IGFN1: variants seen among roughly 807,000 people sequenced by gnomAD.
The protein encoded by IGFN1 is immunoglobulin-like and fibronectin type III domain-containing protein 1.
A neutral mutation model predicts 289.5 loss-of-function variants in IGFN1; 253 were observed. The observed-to-expected ratio is 0.87, with a 90% CI of 0.79 to 0.97. The LOEUF is 0.97. IGFN1 is among the 50% of genes least tolerant of loss of function. The pLI, the probability that IGFN1 is intolerant of heterozygous loss-of-function variation, is 0.00. For synonymous variants in IGFN1, 1,706 were observed against 1,788.5 expected (o/e 0.95, Z 1.16); for missense variants, 4,470 against 4,686.1 (o/e 0.95, Z 1.35).
rs567536290 is a variant in IGFN1, at chr1:201,215,751, G to A, written c.9208G>A (p.Ala3070Thr). Residue 3070 changes from alanine (A) to threonine (T), a missense_variant, in exon 15 of 24, where the codon GCA becomes ACA. Coordinates refer to ENST00000335211, the MANE Select transcript of IGFN1 (RefSeq NM_001164586.2). ...DGYTRLCLPS[A>T]GRKDCGQYSV... Reference sequence around the variant, plus strand: ...CTACACGCGGCTGTGCCTCCCCAGCGCAGGCAGGAAGGACTGTGGCCAGTA... The same window carrying A: ...CTACACGCGGCTGTGCCTCCCCAGCACAGGCAGGAAGGACTGTGGCCAGTA... 3.7e-5 allele frequency: 60 copies of A among 1,609,014 alleles called. No individual in the cohort carries two copies. The highest frequency in any genetic ancestry group is 1.8e-4 in the East Asian group (8 of 44,812).
At position 201,206,928 on chromosome 1, in the gene IGFN1, A is replaced by G. The variant is rs1667454395; in HGVS notation, c.2035A>G (p.Thr679Ala). Reference protein sequence around the residue: ...GAGGPGTLELTGGRGSGSKVG... With the variant: ...GAGGPGTLELAGGRGSGSKVG... Reference sequence around the variant, plus strand: ...AGGAGGTCCTGGCACCCTGGAGCTTACTGGAGGAAGAGGTTCTGGCTCCAA... The same window carrying G: ...AGGAGGTCCTGGCACCCTGGAGCTTGCTGGAGGAAGAGGTTCTGGCTCCAA... The change falls in exon 12 of 24, where the codon ACT (threonine) becomes GCT (alanine). Residue 679 changes from threonine to alanine, a missense_variant. This residue lies in a region of IGFN1 where 2,011 missense variants were observed against 1,953.4 expected (regional missense o/e 1.03). Coordinates refer to ENST00000335211, the MANE Select transcript of IGFN1 (RefSeq NM_001164586.2). The G allele has an allele frequency of 6.5e-7, 1 of 1,536,468 alleles. No individual in the cohort carries two copies. The highest frequency in any genetic ancestry group is 8.7e-7 in the Non-Finnish European group (1 of 1,146,596).
At chr1:201,219,881 A>G (rs979941252) in intron 18 of IGFN1, among the ~76,000 whole-genome samples, 17 of 152,206 alleles carry the variant, frequency 1.1e-4, no homozygotes, top group Non-Finnish European at 1.5e-4. Context: ...TTGCAAATGG[A>G]CCAAGCCTGT....
intron 9 of IGFN1, among the ~76,000 whole-genome samples, chr1:201,203,367 C>T (rs1392489779): frequency 6.6e-6 from 1 of 152,180 alleles, no homozygotes; most frequent in East Asian, 1.9e-4. Flanking sequence ...ATAAGTTGAG[C>T]TGGGGCCTCT....
chr1:201,228,470 C>G lies in IGFN1; in HGVS notation c.*71C>G. 6.6e-7 allele frequency: 1 copy of G among 1,512,414 alleles called. No individual in the cohort carries two copies. The allele number at this position is 1,512,414 out of a possible 1,614,324, so 93.7% of individuals were successfully genotyped here. A position where few individuals can be genotyped will look rare whatever the true frequency, so the allele number is the denominator to read the frequency against. On this transcript the variant is annotated 3_prime_UTR_variant, in exon 24 of 24. Transcript: ENST00000335211. Reference sequence around the variant, plus strand: ...CCGACACCTGCACTGGCCCGGGAAGCCAATCCCAAGGATGGAGGCTGTGCC... The same window carrying G: ...CCGACACCTGCACTGGCCCGGGAAGGCAATCCCAAGGATGGAGGCTGTGCC...
At chr1:201,216,294 C>T in intron 15 of IGFN1, 160 bp from the exon 16 acceptor site, 1 of 628,256 alleles carries the variant, frequency 1.6e-6, no homozygotes, top group East Asian at 2.8e-5. Context: ...TGGGTAATGC[C>T]CAAGGCTCTC....
At chr1:201,222,509 C>T (rs893904774) in intron 19 of IGFN1, 3 of 446,724 alleles carry the variant, frequency 6.7e-6, no homozygotes, top group East Asian at 6.9e-5. Context: ...GGGTTCCTTT[C>T]TCAGCTCCTG....
chr1:201,211,606 G>A lies in IGFN1; in HGVS notation c.6713G>A (p.Ser2238Asn). 2.0e-6 allele frequency: 3 copies of A among 1,535,576 alleles called. No homozygotes were observed. The highest frequency in any genetic ancestry group is 1.7e-6 in the Non-Finnish European group (2 of 1,146,262). The change falls in exon 12 of 24, where the codon AGT becomes AAT. Residue 2238 changes from serine (S) to asparagine (N), a missense_variant. Around this residue, in one of 8 missense-constraint regions of IGFN1, gnomAD observed 2,218 missense variants for 2,114.1 expected, o/e 1.05. Transcript: ENST00000335211. ...SKAGFRDGLG[S>N]SGEMGSMDEA... ...GCAGGTTTCAGGGATGGTTTAGGGA[G>A]TTCTGGGGAAATGGGGTCAATGGAT... is the stretch of plus-strand genomic sequence containing the variant.
Position 201,209,550 on chromosome 1 carries a change from G to A in IGFN1, c.4657G>A (p.Gly1553Arg). 2 of 1,525,814 alleles carry A rather than the reference G, an allele frequency of 1.3e-6. No homozygotes were observed. The highest frequency in any genetic ancestry group is 1.8e-6 in the Non-Finnish European group (2 of 1,140,934). 94.5% of individuals were successfully genotyped at this position (1,525,814 alleles called of 1,614,324 possible). A position where few individuals can be genotyped will look rare whatever the true frequency, so the allele number is the denominator to read the frequency against. The change falls in exon 12 of 24, where the codon GGA (glycine) becomes AGA (arginine). Residue 1553 changes from glycine to arginine, a missense_variant. Around this residue, in one of 8 missense-constraint regions of IGFN1, gnomAD observed 2,011 missense variants for 1,953.4 expected, o/e 1.03. Coordinates refer to ENST00000335211, the MANE Select transcript of IGFN1 (RefSeq NM_001164586.2). ...TAAGGCAGGTTTTACGGATGGTTTA[G>A]GAGGTTCTGAAGAAATGGGGTCAGT... is the stretch of plus-strand genomic sequence containing the variant. The part of the protein sequence containing the change: ...GSKAGFTDGL[G>R]GSEEMGSVNK...
chr1:201,214,505 C>T (rs1380503388), intron 13 of IGFN1, among the ~76,000 whole-genome samples: 1 of 152,144 alleles, frequency 6.6e-6, no homozygotes, highest in African/African-American at 2.4e-5. Flanking sequence ...TCCTATGCCC[C>T]TCAGCATACC....
chr1:201,199,417 G>A (rs1410955378), intron 6 of IGFN1, 39 bp downstream of exon 6: 14 of 1,540,490 alleles, frequency 9.1e-6, no homozygotes, highest in Non-Finnish European at 1.2e-5. Flanking sequence ...GGGGCCTGTG[G>A]GGGATAGGCT....
At chr1:201,214,123 G>T (rs529421887) in intron 12 of IGFN1, 54 bp from the exon 13 acceptor site, 1 of 1,523,646 alleles carries the variant, frequency 6.6e-7, no homozygotes, top group Non-Finnish European at 8.8e-7. Context: ...GGGGCACAGC[G>T]CAGGCCATGG....
Position 201,215,560 on chromosome 1 carries a change from A to G in IGFN1, c.9017A>G (p.Asp3006Gly). Reference protein sequence around the residue: ...TVQDSPTIAPDVTEKLREPLV... With the variant: ...TVQDSPTIAPGVTEKLREPLV... ...CTAGATTCCCCTACCATTGCTCCAG[A>G]TGTGACAGAGAAACTGAGAGAGCCA... The change falls in exon 15 of 24, where the codon GAT becomes GGT. Residue 3006 changes from aspartate (D) to glycine (G), a missense_variant. Physicochemically the swap from Asp to Gly is moderately conservative, Grantham distance 94. Around this residue, in one of 8 missense-constraint regions of IGFN1, gnomAD observed 2,218 missense variants for 2,114.1 expected, o/e 1.05. Coordinates refer to ENST00000335211, the MANE Select transcript of IGFN1 (RefSeq NM_001164586.2). 1 of 1,596,212 alleles carries G rather than the reference A, an allele frequency of 6.3e-7. No individual in the cohort carries two copies. The highest frequency in any genetic ancestry group is 8.5e-7 in the Non-Finnish European group (1 of 1,170,826).
intron 5 of IGFN1, among the ~76,000 whole-genome samples, chr1:201,197,727 C>T (rs1409594197): frequency 6.6e-6 from 1 of 152,162 alleles, no homozygotes; most frequent in East Asian, 1.9e-4. Context: ...AATTCTCTCT[C>T]AGACATGTTT....
Position 201,212,058 on chromosome 1 carries a change from A to T in IGFN1, c.7165A>T (p.Arg2389Trp). 3.3e-6 allele frequency: 5 copies of T among 1,536,392 alleles called. No homozygotes were observed. The highest frequency in any genetic ancestry group is 4.4e-6 in the Non-Finnish European group (5 of 1,146,752). Residue 2389 changes from arginine (R) to tryptophan (W), a missense_variant, in exon 12 of 24, where the codon AGG (arginine) becomes TGG (tryptophan). Transcript: ENST00000335211. Reference sequence around the variant, plus strand: ...CAGAGGCCATAAAGCCATGGGTCACAGGTCAGGATATTGGGTAGCATCAGA... The same window carrying T: ...CAGAGGCCATAAAGCCATGGGTCACTGGTCAGGATATTGGGTAGCATCAGA... ...GPRGHKAMGH[R>W]SGYWVASEGD...
rs1571460940 is a variant in IGFN1 at position 201,209,946 on chromosome 1, G to C, written c.5053G>C (p.Gly1685Arg). Reference protein sequence around the residue: ...RKNLGAPEGIGSGSKAGFRDG... With the variant: ...RKNLGAPEGIRSGSKAGFRDG... ...GAATTTGGGGGCTCCTGAGGGAATA[G>C]GTTCAGGGAGTAAGGCAGGTTTTAG... The change falls in exon 12 of 24, where the codon GGT becomes CGT. Residue 1685 changes from glycine to arginine, a missense_variant. Transcript: ENST00000335211. 2.0e-6 allele frequency: 3 copies of C among 1,483,258 alleles called. No homozygotes were observed. The highest frequency in any genetic ancestry group is 2.5e-5 in the East Asian group (1 of 39,694). The allele number at this position is 1,483,258 out of a possible 1,614,324, so 91.9% of individuals were successfully genotyped here.
At position 201,200,333 on chromosome 1, in the gene IGFN1, G is replaced by A. The variant is rs780511622; in HGVS notation, c.555G>A (p.Lys185=). The A allele has an allele frequency of 6.4e-6, 10 of 1,551,658 alleles. No homozygotes were observed. Among genetic ancestry groups the A allele is most frequent in the Non-Finnish European group, 8.7e-6 (10 of 1,147,002 alleles). Residue 185 remains lysine (K), a synonymous_variant, in exon 8 of 24, where the codon AAG becomes AAA. Transcript: ENST00000335211. ...DRKDYEKICL[K]YGIVDYRGML... ...AGGACTACGAGAAGATCTGCTTGAA[G>A]TATGGCATCGTCGACTACCGTGGCA... is the stretch of plus-strand genomic sequence containing the variant.
At position 201,221,543 on chromosome 1, in the gene IGFN1, C is replaced by T; in HGVS notation, c.9998C>T (p.Ala3333Val). The T allele has an allele frequency of 6.2e-7, 1 of 1,614,124 alleles. No individual in the cohort carries two copies. The highest frequency in any genetic ancestry group is 8.5e-7 in the Non-Finnish European group (1 of 1,179,984). Residue 3333 changes from alanine to valine, a missense_variant, in exon 19 of 24, where the codon GCC (alanine) becomes GTC (valine). Physicochemically the swap from Ala to Val is moderately conservative, Grantham distance 64. This residue lies in a region of IGFN1 where 2,218 missense variants were observed against 2,114.1 expected (regional missense o/e 1.05). Coordinates refer to ENST00000335211, the MANE Select transcript of IGFN1 (RefSeq NM_001164586.2). The stretch of plus-strand genomic sequence containing the variant: ...CCAGACACCCAGGAAGGGGATGAAG[C>T]CCAGGGGTATGTGGTGGAGCTGTGC... ...AGPDTQEGDE[A>V]QGYVVELCSS...
chr1:201,204,151 T>A lies in IGFN1; in HGVS notation c.916+245T>A, dbSNP rs144313607. Among the ~76,000 whole-genome samples the A allele has an allele frequency of 7.7e-4, 117 of 152,342 alleles. 1 individual carries two copies. In the Middle Eastern group the frequency reaches 0.01, roughly 13 times the overall value. On this transcript the variant is annotated intron_variant, in intron 10 of 23. Coordinates refer to ENST00000335211, the MANE Select transcript of IGFN1 (RefSeq NM_001164586.2). Reference sequence around the variant, plus strand: ...GAATTACTGTCACAGACATAGAACATATGTGTCATGCCTCTGCTTAGACCT... The same window carrying A: ...GAATTACTGTCACAGACATAGAACAAATGTGTCATGCCTCTGCTTAGACCT...
intron 1 of IGFN1, among the ~76,000 whole-genome samples, chr1:201,191,418 T>C (rs1666653740): frequency 6.6e-6 from 1 of 152,020 alleles, no homozygotes; most frequent in African/African-American, 2.4e-5. Context: ...GAGCCATAGG[T>C]CCTGGAGAGG....
Sources: allele counts gnomAD v4.1 joint callset (sites outside exome capture counted in the v4.1 genomes callset), GRCh38; gene constraint gnomAD v4.1.1; regional missense constraint gnomAD v4.1.1; transcripts MANE v1.5; gene names NCBI Gene and HGNC (gene_info 2026-07-23, HGNC 2026-07-21).